The following UNC93A variants were observed in gnomAD, a reference collection of about 807,000 sequenced individuals.
The protein encoded by UNC93A is N-acetylglucosamine transporter UNC93A.
UNC93A carries 43 observed loss-of-function variants against 47.5 expected under a neutral mutation model. That is an observed-to-expected ratio of 0.91 (90% confidence interval 0.71 to 1.17). The LOEUF is 1.17. UNC93A is among the 50% of genes most tolerant of loss of function. The probability of loss-of-function intolerance (pLI) is 0.00; values close to 1 mark genes in which losing one functional copy is unlikely to be tolerated. For synonymous variants in UNC93A, 280 were observed against 258.0 expected, an observed-to-expected ratio of 1.09 and a Z score of -0.82; for missense variants, 605 against 577.6, an observed-to-expected ratio of 1.05 and a Z score of -0.49.
At chr6:167,306,453 A>G (rs1175559965) in intron 6 of UNC93A, among the ~76,000 whole-genome samples, 5 of 152,234 alleles carry the variant, frequency 3.3e-5, no homozygotes, top group Non-Finnish European at 5.9e-5. Flanking sequence ...CTATTCACAC[A>G]GTGGATAAGG....
rs1562353082 is a variant in UNC93A, at chr6:167,299,132, AC to A, written c.625+1063del. ...GACTCCATCTCAAAAAAAAAAAAAT[AC>A]ACACACACACACACACACATATTTA... On this transcript the variant is annotated intron_variant, in intron 4 of 7. Coordinates refer to ENST00000230256, the MANE Select transcript of UNC93A (RefSeq NM_018974.4). 2.9e-3 allele frequency among the ~76,000 whole-genome samples: 257 copies of A among 88,058 alleles called. 6 individuals are homozygous for A. The highest frequency in any genetic ancestry group is 0.016 in the African/African-American group (194 of 12,308). The allele number at this position is 88,058 out of a possible 152,430, so 57.8% of individuals were successfully genotyped here.
intron 7 of UNC93A, among the ~76,000 whole-genome samples, chr6:167,308,409 G>A (rs147972984): frequency 4.6e-5 from 7 of 152,266 alleles, no homozygotes; most frequent in East Asian, 1.9e-4. Context: ...GTCTGTGGAC[G>A]GGGCTCTGGG....
chr6:167,302,237 C>T lies in UNC93A; in HGVS notation c.626-1682C>T, dbSNP rs184877959. 1.2e-4 allele frequency among the ~76,000 whole-genome samples: 18 copies of T among 152,188 alleles called. No individual in the cohort carries two copies. In the East Asian group the frequency reaches 3.1e-3, roughly 26 times the overall value. On this transcript the variant is annotated intron_variant, in intron 4 of 7. Coordinates refer to ENST00000230256, the MANE Select transcript of UNC93A (RefSeq NM_018974.4). ...CCCAGTTTCAGGAACGCTCAGCTGCCGGGCACAGTGCTGCAGCAAGTCCAC... is the reference window on the plus strand; with the variant it reads ...CCCAGTTTCAGGAACGCTCAGCTGCTGGGCACAGTGCTGCAGCAAGTCCAC...
intron 1 of UNC93A, among the ~76,000 whole-genome samples, chr6:167,275,725 T>C (rs911950253): frequency 6.6e-6 from 1 of 152,252 alleles, no homozygotes; most frequent in Admixed American, 6.5e-5. Context: ...GACAGGATGC[T>C]GGGTCCACAC....
chr6:167,306,645 G>C (rs1056224143), intron 6 of UNC93A, among the ~76,000 whole-genome samples: 4 of 152,238 alleles, frequency 2.6e-5, no homozygotes, highest in Non-Finnish European at 4.4e-5. Flanking sequence ...GCAGCCAGAG[G>C]AAGGGCACAC....
chr6:167,315,338 G>A lies in UNC93A; in HGVS notation c.1260G>A (p.Leu420=), dbSNP rs766281465. Residue 420 remains leucine (L), a synonymous_variant, in exon 8 of 8, where the codon CTG becomes CTA. Transcript: ENST00000230256. ...KLYILLGVLS[L]TMVAYGLVEC... ...ACATTCTGCTGGGGGTCCTGAGCCT[G>A]ACCATGGTGGCGTATGGGCTTGTGG... is the stretch of plus-strand genomic sequence containing the variant. 6.2e-7 allele frequency: 1 copy of A among 1,613,928 alleles called. No homozygotes were observed. The highest frequency in any genetic ancestry group is 8.5e-7 in the Non-Finnish European group (1 of 1,179,882).
At chr6:167,297,857 C>G in intron 3 of UNC93A, 88 bp from the exon 4 acceptor site, 2 of 1,541,776 alleles carry the variant, frequency 1.3e-6, no homozygotes, top group Non-Finnish European at 8.8e-7. Flanking sequence ...GTCCAATGTC[C>G]TTTCCACTGT....
intron 3 of UNC93A, among the ~76,000 whole-genome samples, chr6:167,296,980 C>G (rs1322538326): frequency 1.3e-5 from 2 of 152,206 alleles, no homozygotes; most frequent in Non-Finnish European, 2.9e-5. Flanking sequence ...TTGGTAAACT[C>G]TGTAGCCAAA....
rs1254659325 is a variant in UNC93A, at chr6:167,276,155, G to T, written c.-52+4697G>T. 4.0e-5 allele frequency among the ~76,000 whole-genome samples: 6 copies of T among 149,172 alleles called. No individual in the cohort carries two copies. In the East Asian group the frequency reaches 1.2e-3, roughly 29 times the overall value. The stretch of plus-strand genomic sequence containing the variant: ...TACATCACTTAATATCTTGTCCCCA[G>T]TTCCATTCATGTGGCCACAATGACA... On this transcript the variant is annotated intron_variant, in intron 1 of 3. Coordinates refer to the UNC93A transcript ENST00000503433.
rs1562357877 is a variant in UNC93A at position 167,305,933 on chromosome 6, C to T, written c.859C>T (p.Leu287=). ...TCCCCAGTCCTATGTCACCTGCACC[C>T]TGGGCATCCAGTTCGTCGGCTACGT... ...EYTRSYVTCT[L]GIQFVGYVMI... is the part of the protein sequence containing the mutation. The change falls in exon 6 of 8, where the codon CTG becomes TTG. Residue 287 remains leucine, a synonymous_variant. Coordinates refer to ENST00000230256, the MANE Select transcript of UNC93A (RefSeq NM_018974.4). 1.2e-6 allele frequency: 2 copies of T among 1,614,060 alleles called. No homozygotes were observed. Among genetic ancestry groups the T allele is most frequent in the African/African-American group, 2.7e-5 (2 of 74,910 alleles).
chr6:167,309,408 C>T (rs997349960), intron 7 of UNC93A, among the ~76,000 whole-genome samples: 1 of 152,056 alleles, frequency 6.6e-6, no homozygotes, highest in Admixed American at 6.5e-5. Flanking sequence ...TCCCAAAAAA[C>T]CCCATCTAAG....
upstream of UNC93A, among the ~76,000 whole-genome samples, chr6:167,287,559 G>C (rs886803448): frequency 4.6e-5 from 7 of 152,188 alleles, no homozygotes; most frequent in Non-Finnish European, 8.8e-5. Flanking sequence ...ACATTAGGAA[G>C]GATGCCTGGC....
In UNC93A at chr6:167,315,202, T is replaced by C; in HGVS notation, c.1124T>C (p.Leu375Pro). The C allele has an allele frequency of 6.2e-7, 1 of 1,613,700 alleles. No homozygotes were observed. The highest frequency in any genetic ancestry group is 8.5e-7 in the Non-Finnish European group (1 of 1,179,876). Residue 375 changes from leucine (L) to proline (P), a missense_variant, in exon 8 of 8, where the codon CTG becomes CCG. By Grantham distance (98) the Leu-to-Pro change is moderately conservative. Transcript: ENST00000230256. ...TCCTCTGCAGCTCTCTACGGCGTTC[T>C]GTTTGAGAAGAGCAAGGAAGCTGCC... ...QTQNNALYGV[L>P]FEKSKEAAFA...
intron 1 of UNC93A, among the ~76,000 whole-genome samples, chr6:167,274,182 AG>A (rs1195761476): frequency 2.0e-5 from 3 of 152,190 alleles, no homozygotes; most frequent in Non-Finnish European, 4.4e-5. Context: ...ACACAGGGTT[AG>A]TAAGACCCCT....
chr6:167,298,074 C>G lies in UNC93A; in HGVS notation c.625+4C>G. 1 of 1,613,270 alleles carries G rather than the reference C, an allele frequency of 6.2e-7. No individual in the cohort carries two copies. Among genetic ancestry groups the G allele is most frequent in the Non-Finnish European group, 8.5e-7 (1 of 1,179,666 alleles). ...ACCCTCCTGGGCATCTACACTGGTA[C>G]GAGCTCCATCGGCCCAGGGCAGGGT... is the stretch of plus-strand genomic sequence containing the variant. On this transcript the variant is annotated splice_donor_region_variant and intron_variant, in intron 4 of 7. Transcript: ENST00000230256.
At chr6:167,281,139 CCATCCCACTGAGAGGAGCCTCGGTAGGT>C (rs1482046225) in intron 1 of UNC93A, among the ~76,000 whole-genome samples, 33 of 151,452 alleles carry the variant, frequency 2.2e-4, no homozygotes, top group South Asian at 1.1e-3. Flanking sequence ...TCCCAGGAGG[CCATCCCACTGAGAGGAGCCTCGGTAGGT>C]CATCCCACTG....
chr6:167,288,960 A>G (rs1245283254), upstream of UNC93A, among the ~76,000 whole-genome samples: 1 of 152,282 alleles, frequency 6.6e-6, no homozygotes, highest in Non-Finnish European at 1.5e-5. Context: ...CTACAGAACC[A>G]CCTCTTTTCT....
Position 167,294,551 on chromosome 6 carries a change from C to T in UNC93A, c.122C>T (p.Thr41Ile). ...TACAGCGAGGAGGGCCTGGGTGTCA[C>T]AGCGCTCAGCACCCTCTATGGAGGC... ...SLYSEEGLGV[T>I]ALSTLYGGML... Residue 41 changes from threonine (T) to isoleucine (I), a missense_variant, in exon 2 of 8, where the codon ACA (threonine) becomes ATA (isoleucine). Transcript: ENST00000230256. 1 of 1,614,132 alleles carries T rather than the reference C, an allele frequency of 6.2e-7. No homozygotes were observed. Among genetic ancestry groups the T allele is most frequent in the Non-Finnish European group, 8.5e-7 (1 of 1,180,018 alleles).
At chr6:167,289,396 T>G (rs437914), upstream of UNC93A, among the ~76,000 whole-genome samples, 54 of 152,222 alleles carry the variant, frequency 3.5e-4, no homozygotes, top group African/African-American at 8.0e-4. Flanking sequence ...AAATATACTG[T>G]TCATTTAAAA....
Sources: allele counts gnomAD v4.1 joint callset (sites outside exome capture counted in the v4.1 genomes callset), GRCh38; gene constraint gnomAD v4.1.1; transcripts MANE v1.5; gene names NCBI Gene and HGNC (gene_info 2026-07-23, HGNC 2026-07-21).